ZNF345: variants seen among roughly 807,000 people sequenced by gnomAD.
ZNF345 encodes zinc finger protein HZF10.
For synonymous variants in ZNF345, 166 were observed against 187.9 expected (o/e 0.88, Z 0.95); for missense variants, 527 against 589.9 (o/e 0.89, Z 1.10).
At chr19:36,876,758 A>G in intron 2 of ZNF345, 27 bp from the exon 3 acceptor site, 4 of 1,435,720 alleles carry the variant, frequency 2.8e-6, no homozygotes, top group Non-Finnish European at 3.8e-6. Flanking sequence ...CAAAAAAGTG[A>G]ATGTTTGCTT....
At chr19:36,883,975 C>T (rs952214880), downstream of ZNF345, among the ~76,000 whole-genome samples, 1 of 152,182 alleles carries the variant, frequency 6.6e-6, no homozygotes, top group Non-Finnish European at 1.5e-5. Flanking sequence ...CAGCTGACTA[C>T]AAATTTGGGA....
chr19:36,892,976 T>C (rs890026233), exon 4 of ZNF345: 6 of 445,814 alleles, frequency 1.3e-5, no homozygotes, highest in Non-Finnish European at 1.9e-5. Context: ...CTCCAGGGCA[T>C]GCACCATGCG....
chr19:36,874,215 TG>T (rs1656698806), intron 2 of ZNF345, among the ~76,000 whole-genome samples: 4 of 152,190 alleles, frequency 2.6e-5, no homozygotes, highest in Non-Finnish European at 5.9e-5. Flanking sequence ...AAATGTTGGC[TG>T]GGCATGGTGG....
chr19:36,862,291 C>T (rs1307712885), intron 2 of ZNF345, among the ~76,000 whole-genome samples: 1 of 152,028 alleles, frequency 6.6e-6, no homozygotes, highest in East Asian at 1.9e-4. Flanking sequence ...TTGTTAGTTC[C>T]TACCGTTTGG....
At chr19:36,868,870 C>A (rs930974869) in intron 2 of ZNF345, among the ~76,000 whole-genome samples, 1 of 152,042 alleles carries the variant, frequency 6.6e-6, no homozygotes, top group East Asian at 1.9e-4. Flanking sequence ...GTGATCCACC[C>A]GCCTCAGCCT....
At chr19:36,886,864 G>A (rs2073002611) in intron 3 of ZNF345, among the ~76,000 whole-genome samples, 1 of 151,676 alleles carries the variant, frequency 6.6e-6, no homozygotes, top group Non-Finnish European at 1.5e-5. Flanking sequence ...CGTGGTGGTG[G>A]GCGCCTGTAA....
chr19:36,890,264 A>T (rs2146220399), intron 3 of ZNF345: 1 of 152,304 alleles, frequency 6.6e-6, no homozygotes, highest in East Asian at 1.9e-4. Flanking sequence ...TGTTCTTCAG[A>T]TGTCTGTTGG....
At chr19:36,855,447 CTTTTTTTTTTTT>C (rs34265794) in intron 2 of ZNF345, among the ~76,000 whole-genome samples, 14 of 58,588 alleles carry the variant, frequency 2.4e-4, no homozygotes, top group African/African-American at 9.1e-4. Flanking sequence ...CGAGCCTGGC[CTTTTTTTTTTTT>C]TTTTTTTTTT....
chr19:36,863,766 A>G (rs181323624), intron 2 of ZNF345, among the ~76,000 whole-genome samples: 4 of 152,360 alleles, frequency 2.6e-5, no homozygotes, highest in African/African-American at 7.2e-5. Flanking sequence ...TTAAGTTAAC[A>G]TAAGTTAATC....
chr19:36,891,320 A>G, intron 3 of ZNF345: 1 of 603,920 alleles, frequency 1.7e-6, no homozygotes, highest in Non-Finnish European at 2.6e-6. Flanking sequence ...GAGAGAATAA[A>G]TTTCTCTTGT....
Position 36,871,591 on chromosome 19 carries a change from G to C in ZNF345, c.-46-5194G>C, listed in dbSNP as rs188658697. ...AGCATTTTATATTTAGACAGCTCCA[G>C]TAGTCTTCAAGCTCTCTTTATTTAG... On this transcript the variant is annotated intron_variant, in intron 2 of 2. Coordinates refer to ENST00000420450, the MANE Select transcript of ZNF345 (RefSeq NM_001242472.2). Among the ~76,000 whole-genome samples the C allele has an allele frequency of 2.9e-3, 439 of 152,084 alleles. 1 individual carries two copies. Among genetic ancestry groups the C allele is most frequent in the Middle Eastern group, 0.024 (7 of 294 alleles).
intron 2 of ZNF345, among the ~76,000 whole-genome samples, chr19:36,865,885 G>A (rs954481256): frequency 2.6e-4 from 40 of 152,040 alleles, no homozygotes; most frequent in African/African-American, 9.7e-4. Context: ...TACAGTAACT[G>A]GATGTTGGGT....
intron 2 of ZNF345, among the ~76,000 whole-genome samples, chr19:36,867,409 G>T (rs73933145): frequency 6.6e-6 from 1 of 152,062 alleles, no homozygotes; most frequent in Non-Finnish European, 1.5e-5. Flanking sequence ...AGTGGTATTT[G>T]CTGTATTCAC....
chr19:36,878,347 T>C lies in ZNF345; in HGVS notation c.*50T>C. ...TAAACATATGACTTAAGAAAATTCATAGTGGTGAAAATCTCTACAAATAGA... is the reference window on the plus strand; with the variant it reads ...TAAACATATGACTTAAGAAAATTCACAGTGGTGAAAATCTCTACAAATAGA... On this transcript the variant is annotated 3_prime_UTR_variant, in exon 3 of 3. Coordinates refer to ENST00000420450, the MANE Select transcript of ZNF345 (RefSeq NM_001242472.2). 18 of 1,499,878 alleles carry C rather than the reference T, an allele frequency of 1.2e-5. No individual in the cohort carries two copies. The highest frequency in any genetic ancestry group is 2.8e-5 in the South Asian group (2 of 71,806). 92.9% of individuals were successfully genotyped at this position (1,499,878 alleles called of 1,614,324 possible).
intron 2 of ZNF345, among the ~76,000 whole-genome samples, chr19:36,873,465 A>T (rs2072811263): frequency 6.6e-6 from 1 of 152,226 alleles, no homozygotes; most frequent in African/African-American, 2.4e-5. Flanking sequence ...ATCATCTCAC[A>T]TAGTTACACT....
At chr19:36,892,992 T>G (rs10403877) in exon 4 of ZNF345, 15,841 of 416,160 alleles carry the variant, frequency 0.038, 1,112 homozygotes, top group African/African-American at 0.2. Flanking sequence ...ATGCGTGAGA[T>G]ATTCTAATTA....
In ZNF345 at chr19:36,889,588, C is replaced by T. The variant is rs1024792894; in HGVS notation, c.47-3230C>T. The T allele has an allele frequency of 2.0e-5, 3 of 152,092 alleles. No individual in the cohort carries two copies. In the South Asian group the frequency reaches 6.2e-4, roughly 31 times the overall value. 9.4% of individuals were successfully genotyped at this position (152,092 alleles called of 1,614,324 possible). On this transcript the variant is annotated intron_variant, in intron 3 of 3. Transcript: ENST00000526123. ...TTCTAATATGTGCATATAGTTTCTG[C>T]TGATATTTTATATGTCTGTGTTATC...
intron 3 of ZNF345, among the ~76,000 whole-genome samples, chr19:36,885,567 TTG>T (rs1164833340): frequency 2.0e-5 from 3 of 152,064 alleles, no homozygotes; most frequent in Non-Finnish European, 2.9e-5. Flanking sequence ...TCTTAAATGT[TTG>T]TGTGCGTGTG....
chr19:36,868,343 C>A (rs554289141), intron 2 of ZNF345, among the ~76,000 whole-genome samples: 1 of 152,200 alleles, frequency 6.6e-6, no homozygotes, highest in South Asian at 2.1e-4. Flanking sequence ...ATCCAGTTGT[C>A]TCAATACCAT....
Sources: allele counts gnomAD v4.1 joint callset (sites outside exome capture counted in the v4.1 genomes callset), GRCh38; gene constraint gnomAD v4.1.1; transcripts MANE v1.5; gene names NCBI Gene and HGNC (gene_info 2026-07-23, HGNC 2026-07-21).